TMEM260: variants seen among roughly 807,000 people sequenced by gnomAD.
TMEM260 encodes the protein transmembrane protein 260.
TMEM260 carries 82 observed loss-of-function variants against 88.9 expected under a neutral mutation model. The observed-to-expected ratio is 0.92, with a 90% CI of 0.77 to 1.11. The LOEUF is 1.11. Ranked by LOEUF, TMEM260 falls within the 50% of genes least tolerant of loss-of-function variation. TMEM260 has a pLI of 0.00. For missense variants in TMEM260, 902 were observed against 853.4 expected (o/e 1.06, Z -0.71); for synonymous variants, 314 against 309.3 (o/e 1.02, Z -0.16).
At chr14:56,588,604 C>T (rs1885658975) in intron 3 of TMEM260, among the ~76,000 whole-genome samples, 2 of 152,084 alleles carry the variant, frequency 1.3e-5, no homozygotes, top group Non-Finnish European at 2.9e-5. Flanking sequence ...TTTATATTTG[C>T]TTTGCTCTAA....
Position 56,647,311 on chromosome 14 carries a change from C to G in TMEM260, c.1938C>G (p.Ala646=). 1.2e-6 allele frequency: 2 copies of G among 1,614,152 alleles called. No homozygotes were observed. Among genetic ancestry groups the G allele is most frequent in the Non-Finnish European group, 1.7e-6 (2 of 1,180,028 alleles). The change falls in exon 16 of 16, where the codon GCC becomes GCG. Residue 646 remains alanine, a synonymous_variant. Transcript: ENST00000261556. ...PVNWHKNYAI[A]CERMLRLQAR... ...ATTGGCACAAGAACTATGCCATCGC[C>G]TGTGAGCGGATGCTGCGTCTTCAGG...
chr14:56,631,346 G>GA (rs1888581665), intron 12 of TMEM260, among the ~76,000 whole-genome samples: 1 of 152,158 alleles, frequency 6.6e-6, no homozygotes, highest in Admixed American at 6.5e-5. Flanking sequence ...GTGTGGGCCA[G>GA]GTGTGGTGAC....
At chr14:56,591,488 C>T (rs548245876) in intron 3 of TMEM260, among the ~76,000 whole-genome samples, 7 of 152,262 alleles carry the variant, frequency 4.6e-5, no homozygotes, top group South Asian at 2.1e-4. Context: ...CTAAGAATTA[C>T]GTAGCATCTT....
intron 13 of TMEM260, among the ~76,000 whole-genome samples, chr14:56,633,936 G>A (rs908812565): frequency 1.3e-5 from 2 of 152,122 alleles, no homozygotes; most frequent in African/African-American, 4.8e-5. Flanking sequence ...ATACTGTAAA[G>A]GTTTTTTGAA....
chr14:56,592,674 T>A (rs1439782223), intron 3 of TMEM260, among the ~76,000 whole-genome samples: 2 of 152,210 alleles, frequency 1.3e-5, no homozygotes, highest in African/African-American at 4.8e-5. Context: ...TGCTGTTTAT[T>A]TTATCCTCCT....
At chr14:56,608,967 A>G in intron 5 of TMEM260, 139 bp from the exon 6 acceptor site, 1 of 902,590 alleles carries the variant, frequency 1.1e-6, no homozygotes, top group South Asian at 1.7e-5. Context: ...TTAACATAGT[A>G]TTCTGTGGTG....
Position 56,621,618 on chromosome 14 carries a change from CAG to C in TMEM260, c.1317_1318del (p.Gly440ArgfsTer14), listed in dbSNP as rs757595012. ...TGCCTCATGATGCAATTATCTTACT[CAG>C]AGGAGATTTGCCAGGAAATTCTCTC... ...SMPHDAIILL[R>X]GDLPGNSLRY... On this transcript the variant is annotated frameshift_variant, in exon 11 of 16. Transcript: ENST00000261556. LOFTEE classifies it high-confidence loss of function. The C allele has an allele frequency of 6.2e-7, 1 of 1,613,484 alleles. No homozygotes were observed. The highest frequency in any genetic ancestry group is 8.5e-7 in the Non-Finnish European group (1 of 1,179,688).
At chr14:56,631,215 A>C (rs995135022) in intron 12 of TMEM260, among the ~76,000 whole-genome samples, 2 of 152,226 alleles carry the variant, frequency 1.3e-5, no homozygotes, top group Non-Finnish European at 2.9e-5. Context: ...CCTTTGACTC[A>C]GGGTTTTATA....
At chr14:56,631,992 C>G (rs1023528355) in intron 12 of TMEM260, among the ~76,000 whole-genome samples, 1 of 152,138 alleles carries the variant, frequency 6.6e-6, no homozygotes. Context: ...CCTGCTCATG[C>G]CTGACTAGCT....
At chr14:56,646,278 A>G (rs1418008027) in intron 15 of TMEM260, among the ~76,000 whole-genome samples, 1 of 151,382 alleles carries the variant, frequency 6.6e-6, no homozygotes, top group Non-Finnish European at 1.5e-5. Context: ...GGAAAAATAG[A>G]TAATATGATT....
intron 4 of TMEM260, among the ~76,000 whole-genome samples, chr14:56,605,305 A>G (rs1032685052): frequency 2.8e-4 from 42 of 152,352 alleles, no homozygotes; most frequent in African/African-American, 7.7e-4. Context: ...CAACTTATCT[A>G]TTTATCATAC....
intron 14 of TMEM260, among the ~76,000 whole-genome samples, chr14:56,635,957 G>T (rs1286509015): frequency 2.6e-5 from 4 of 152,056 alleles, no homozygotes; most frequent in African/African-American, 4.8e-5. Flanking sequence ...TTAAGGAACT[G>T]ATCAAAGATA....
At chr14:56,596,821 A>G (rs186491124) in intron 3 of TMEM260, among the ~76,000 whole-genome samples, 1 of 150,342 alleles carries the variant, frequency 6.7e-6, no homozygotes, top group East Asian at 2.0e-4. Context: ...ACACACACCA[A>G]TATGCTGATA....
intron 15 of TMEM260, among the ~76,000 whole-genome samples, chr14:56,642,470 GAC>G (rs1889670029): frequency 1.3e-5 from 2 of 152,160 alleles, no homozygotes; most frequent in South Asian, 4.2e-4. Flanking sequence ...CGAGAACAAA[GAC>G]ACAACATACC....
intron 15 of TMEM260, 30 bp downstream of exon 15, chr14:56,636,628 A>G (rs759798663): frequency 6.3e-7 from 1 of 1,584,934 alleles, no homozygotes; most frequent in South Asian, 1.1e-5. Flanking sequence ...GTAGATATAG[A>G]TATATTTGGT....
In TMEM260 at chr14:56,603,824, C is replaced by T; in HGVS notation, c.354C>T (p.Gly118=). 1 of 1,613,742 alleles carries T rather than the reference C, an allele frequency of 6.2e-7. No individual in the cohort carries two copies. The highest frequency in any genetic ancestry group is 2.2e-5 in the East Asian group (1 of 44,856). The change falls in exon 4 of 16, where the codon GGC becomes GGT. Residue 118 remains glycine (G), a synonymous_variant. Transcript: ENST00000261556. Reference sequence around the variant, plus strand: ...TTATCTGTGTTTGCAGGCTTTCTGGCTCATCTGCTGGAGGAATCCTTGCTG... The same window carrying T: ...TTATCTGTGTTTGCAGGCTTTCTGGTTCATCTGCTGGAGGAATCCTTGCTG... ...LLFFTVFRLS[G]SSAGGILAAG... is the part of the protein sequence containing the mutation.
chr14:56,611,052 C>A (rs1276492570), intron 6 of TMEM260, among the ~76,000 whole-genome samples: 3 of 150,880 alleles, frequency 2.0e-5, no homozygotes, highest in Admixed American at 1.3e-4. Context: ...CTGCAACCTC[C>A]ACCTCCTGGG....
At chr14:56,632,302 C>G (rs922905148) in intron 12 of TMEM260, among the ~76,000 whole-genome samples, 1 of 152,134 alleles carries the variant, frequency 6.6e-6, no homozygotes, top group African/African-American at 2.4e-5. Flanking sequence ...GACTGAAGGA[C>G]AGAGAGAAAA....
chr14:56,654,832 AAAAAAAAAAAT>A (rs1890272498), downstream of TMEM260, among the ~76,000 whole-genome samples: 1 of 150,626 alleles, frequency 6.6e-6, no homozygotes, highest in African/African-American at 2.5e-5. Flanking sequence ...AAAAAAAAAA[AAAAAAAAAAAT>A]GTTAAATGTC....
Sources: gnomAD v4.1 joint callset for allele counts (sites outside exome capture counted in the v4.1 genomes callset) on GRCh38, gnomAD v4.1.1 for gene constraint, MANE v1.5 for transcripts, NCBI Gene and HGNC (gene_info 2026-07-23, HGNC 2026-07-21) for gene names.